GNAL: variants seen among roughly 807,000 people sequenced by gnomAD.
GNAL encodes G protein subunit alpha L.
A neutral mutation model predicts 55.1 loss-of-function variants in GNAL; 18 were observed. The observed-to-expected ratio is 0.33, with a 90% CI of 0.23 to 0.48. The LOEUF is 0.48. Among genes scored for constraint, GNAL ranks in the 20% least tolerant of loss-of-function variants. The pLI is 0.99. For synonymous variants in GNAL, 253 were observed against 237.0 expected (o/e 1.07, Z -0.62); for missense variants, 412 against 614.1 (o/e 0.67, Z 3.48).
chr18:11,749,144 A>C (rs995296193), intron 1 of GNAL, among the ~76,000 whole-genome samples: 5 of 151,600 alleles, frequency 3.3e-5, no homozygotes, highest in East Asian at 1.9e-4. Context: ...AAAAAAAAAA[A>C]AAAAAAACCT....
intron 5 of GNAL, among the ~76,000 whole-genome samples, chr18:11,839,823 T>C (rs2035575696): frequency 6.6e-6 from 1 of 152,216 alleles, no homozygotes; most frequent in Non-Finnish European, 1.5e-5. Flanking sequence ...TAATCGTGCA[T>C]TGTGTGAGCA....
rs1490882850 is a variant in GNAL, at chr18:11,883,133, A to C, written c.*1998A>C. The C allele has an allele frequency of 1.3e-5, 2 of 149,272 alleles. No individual in the cohort carries two copies. Among genetic ancestry groups the C allele is most frequent in the East Asian group, 4.0e-4 (2 of 4,958 alleles). The allele number at this position is 149,272 out of a possible 1,614,324, so 9.2% of individuals were successfully genotyped here. On this transcript the variant is annotated 3_prime_UTR_variant, in exon 12 of 12. Transcript: ENST00000334049. ...TTTGTAATCCTTTATAAACTCATCC[A>C]GATTTAAATGCTACTTTTTCATGAA...
At chr18:11,804,203 G>A (rs1299204894) in intron 4 of GNAL, among the ~76,000 whole-genome samples, 3 of 88,274 alleles carry the variant, frequency 3.4e-5, no homozygotes, top group Admixed American at 1.1e-4. Context: ...CGGTTTGGAT[G>A]GAACACGGAG....
chr18:11,694,063 G>A lies in GNAL; in HGVS notation c.376+4124G>A, dbSNP rs151045095. ...AGATGGGGTTTCACCATGTTACCCC[G>A]GCTGGTCTTGGACTTCTGAGATCAA... On this transcript the variant is annotated intron_variant, in intron 1 of 11. Coordinates refer to ENST00000334049, the MANE Select transcript of GNAL (RefSeq NM_182978.4). Among the ~76,000 whole-genome samples the A allele has an allele frequency of 1.1e-3, 160 of 151,968 alleles. 2 individuals carry two copies. The Middle Eastern group carries it at 0.024, about 23-fold the overall frequency.
At chr18:11,795,642 A>G (rs2034359534) in intron 4 of GNAL, among the ~76,000 whole-genome samples, 1 of 152,180 alleles carries the variant, frequency 6.6e-6, no homozygotes, top group Non-Finnish European at 1.5e-5. Context: ...CCTGTTTTAA[A>G]TAGTCACTTG....
intron 4 of GNAL, among the ~76,000 whole-genome samples, chr18:11,799,867 GTCT>G (rs2034478267): frequency 6.6e-6 from 1 of 152,004 alleles, no homozygotes; most frequent in Admixed American, 6.6e-5. Context: ...GCACCTGTCT[GTCT>G]GGTGCTCCCT....
At chr18:11,771,964 A>AC (rs1243792504) in intron 4 of GNAL, among the ~76,000 whole-genome samples, 1 of 151,842 alleles carries the variant, frequency 6.6e-6, no homozygotes, top group East Asian at 1.9e-4. Flanking sequence ...CAGGTGATCT[A>AC]CCTGCCTCAG....
chr18:11,748,443 A>C (rs2032739386), intron 1 of GNAL, among the ~76,000 whole-genome samples: 1 of 152,182 alleles, frequency 6.6e-6, no homozygotes, highest in Admixed American at 6.5e-5. Flanking sequence ...GCCAGCAATC[A>C]CTCCATAACT....
chr18:11,858,825 C>A (rs1391230680), intron 5 of GNAL, among the ~76,000 whole-genome samples: 1 of 152,196 alleles, frequency 6.6e-6, no homozygotes, highest in East Asian at 1.9e-4. Flanking sequence ...TCACTTAGAT[C>A]TCTGAGAATC....
intron 4 of GNAL, among the ~76,000 whole-genome samples, chr18:11,766,541 C>T (rs1465155229): frequency 6.6e-6 from 1 of 152,158 alleles, no homozygotes; most frequent in Non-Finnish European, 1.5e-5. Flanking sequence ...AAACTGACTT[C>T]GAGTCCCCAA....
intron 4 of GNAL, among the ~76,000 whole-genome samples, chr18:11,757,727 G>A (rs917374038): frequency 6.6e-6 from 1 of 152,146 alleles, no homozygotes; most frequent in Non-Finnish European, 1.5e-5. Context: ...TGACTATTAC[G>A]ACATCTAAGT....
In GNAL at chr18:11,751,232, C is replaced by T. The variant is rs1279334143; in HGVS notation, c.377-1621C>T. Among the ~76,000 whole-genome samples the T allele has an allele frequency of 6.6e-6, 1 of 152,166 alleles. No homozygotes were observed. The highest frequency in any genetic ancestry group is 1.5e-5 in the Non-Finnish European group (1 of 68,028). On this transcript the variant is annotated intron_variant, in intron 1 of 11. Transcript: ENST00000334049. The surrounding 1 kb of genome is among the most constrained non-coding windows in gnomAD (Gnocchi z 4.5). ...CCGGCCCCCTCTTCTGACCTCCTTC[C>T]CCCAAGTACAACACTGCAAACGCCA...
chr18:11,820,766 A>T (rs1185734024), intron 4 of GNAL, among the ~76,000 whole-genome samples: 1 of 152,252 alleles, frequency 6.6e-6, no homozygotes, highest in Non-Finnish European at 1.5e-5. Context: ...AATCATGGGG[A>T]CTTAGCTGTA....
intron 1 of GNAL, among the ~76,000 whole-genome samples, chr18:11,710,168 C>G (rs1362643496): frequency 6.6e-6 from 1 of 152,084 alleles, no homozygotes; most frequent in African/African-American, 2.4e-5. Flanking sequence ...GGTCATAGTG[C>G]TGTTGAGTTC....
intron 5 of GNAL, among the ~76,000 whole-genome samples, chr18:11,861,738 C>T (rs1012008643): frequency 6.6e-6 from 1 of 152,172 alleles, no homozygotes; most frequent in African/African-American, 2.4e-5. Context: ...CCTTGGCTCC[C>T]ATCCTGCCTT....
chr18:11,694,485 G>C (rs1307221807), intron 1 of GNAL, among the ~76,000 whole-genome samples: 2 of 152,206 alleles, frequency 1.3e-5, no homozygotes, highest in Non-Finnish European at 2.9e-5. Context: ...TTTTTAGATG[G>C]AGCATGGTTG....
intron 5 of GNAL, among the ~76,000 whole-genome samples, chr18:11,858,071 T>C (rs73409590): frequency 0.069 from 10,489 of 152,314 alleles, 488 homozygotes; most frequent in African/African-American, 0.14. Context: ...ATAGTTTTCA[T>C]CTTTTCATGA....
chr18:11,862,254 G>A, intron 5 of GNAL, 141 bp from the exon 6 acceptor site: 1 of 593,066 alleles, frequency 1.7e-6, no homozygotes, highest in Non-Finnish European at 3.1e-6. Context: ...ACAAATTCAG[G>A]AAACAAAGTA....
chr18:11,756,826 A>G (rs1257939794), intron 4 of GNAL, among the ~76,000 whole-genome samples: 3 of 152,200 alleles, frequency 2.0e-5, no homozygotes, highest in East Asian at 1.9e-4. Context: ...TTTTATAAAC[A>G]TACAAGTAGA....
Sources: allele counts gnomAD v4.1 joint callset (sites outside exome capture counted in the v4.1 genomes callset), GRCh38; gene constraint gnomAD v4.1.1; non-coding constraint Gnocchi (gnomAD v3.1); transcripts MANE v1.5; gene names NCBI Gene and HGNC (gene_info 2026-07-23, HGNC 2026-07-21).